KCNMA1: variants seen among roughly 807,000 people sequenced by gnomAD.
The protein encoded by KCNMA1 is Calcium-activated potassium channel subunit alpha-1.
Under a neutral mutation model 140.0 loss-of-function variants are expected in KCNMA1, and 29 were observed. The observed-to-expected ratio is 0.21, with a 90% CI of 0.15 to 0.28. The LOEUF (loss-of-function observed/expected upper bound fraction) is 0.28. Ranked by LOEUF, KCNMA1 falls within the 10% of genes least tolerant of loss-of-function variation. The pLI is 1.00. For missense variants in KCNMA1, 880 were observed against 1,602.2 expected (o/e 0.55, Z 7.70); for synonymous variants, 612 against 611.9 (o/e 1.00, Z 0.00).
chr10:77,356,442 T>C (rs2065215740), intron 2 of KCNMA1, among the ~76,000 whole-genome samples: 1 of 152,210 alleles, frequency 6.6e-6, no homozygotes, highest in African/African-American at 2.4e-5. Context: ...ACTTCTTAAC[T>C]CTACAGTTGG....
chr10:77,080,488 T>C (rs1210497773), intron 12 of KCNMA1, among the ~76,000 whole-genome samples: 1 of 152,188 alleles, frequency 6.6e-6, no homozygotes, highest in African/African-American at 2.4e-5. Context: ...GCCAGGGCTA[T>C]CCTGAGGGGT....
intron 1 of KCNMA1, among the ~76,000 whole-genome samples, chr10:77,442,015 G>C (rs1331792436): frequency 6.6e-6 from 1 of 152,156 alleles, no homozygotes; most frequent in Non-Finnish European, 1.5e-5. Flanking sequence ...TCTCAACTGC[G>C]CCAGCAAGGA....
intron 1 of KCNMA1, among the ~76,000 whole-genome samples, chr10:77,481,110 T>C: frequency 7.2e-6 from 1 of 138,532 alleles, no homozygotes. Flanking sequence ...AGAGTGAGAC[T>C]CCATCTCAAA....
At position 77,182,012 on chromosome 10, in the gene KCNMA1, T is replaced by A. The variant is rs374115794; in HGVS notation, c.808+1409A>T. Among the ~76,000 whole-genome samples, 33 of 152,322 alleles carry A rather than the reference T, an allele frequency of 2.2e-4. No individual in the cohort carries two copies. The East Asian group carries it at 5.8e-3, about 27-fold the overall frequency. ...AGATGCTTATTTTTTAAAAAAATAC[T>A]TGACACTAGGTATATAATAAATTCC... On this transcript the variant is annotated intron_variant, in intron 5 of 27. Transcript: ENST00000286628.
intron 4 of KCNMA1, among the ~76,000 whole-genome samples, chr10:77,184,497 C>T (rs559241313): frequency 2.9e-4 from 44 of 152,342 alleles, no homozygotes; most frequent in African/African-American, 5.8e-4. Flanking sequence ...GGATTACAGG[C>T]GTGAGCCACC....
intron 2 of KCNMA1, among the ~76,000 whole-genome samples, chr10:77,305,117 CT>C (rs1191346920): frequency 6.6e-6 from 1 of 152,160 alleles, no homozygotes; most frequent in Non-Finnish European, 1.5e-5. Context: ...GTCTGAAAAT[CT>C]TTTGAGCCAA....
At chr10:77,302,684 GTCTCTGT>G (rs2076809445) in intron 2 of KCNMA1, among the ~76,000 whole-genome samples, 1 of 152,204 alleles carries the variant, frequency 6.6e-6, no homozygotes, top group African/African-American at 2.4e-5. Context: ...AAGTCAGGTA[GTCTCTGT>G]GTCCCAGTGT....
At chr10:77,239,451 G>A (rs529116174) in intron 3 of KCNMA1, among the ~76,000 whole-genome samples, 3 of 152,292 alleles carry the variant, frequency 2.0e-5, no homozygotes, top group African/African-American at 4.8e-5. Flanking sequence ...GCATGGGTGT[G>A]ATGAGCAACA....
At chr10:77,035,048 G>A (rs1168074107) in intron 15 of KCNMA1, among the ~76,000 whole-genome samples, 2 of 151,944 alleles carry the variant, frequency 1.3e-5, no homozygotes, top group Non-Finnish European at 2.9e-5. Flanking sequence ...CCTCGCTTTC[G>A]CAAGTGCTCA....
At chr10:77,192,154 A>G (rs2098943878) in intron 3 of KCNMA1, among the ~76,000 whole-genome samples, 1 of 152,168 alleles carries the variant, frequency 6.6e-6, no homozygotes, top group African/African-American at 2.4e-5. Flanking sequence ...AATTATTCCT[A>G]AGAGTAAAAC....
rs1368680042 is a variant in KCNMA1 at position 77,572,370 on chromosome 10, T to C, written c.378+64895A>G. Among the ~76,000 whole-genome samples, 3 of 151,392 alleles carry C rather than the reference T, an allele frequency of 2.0e-5. No homozygotes were observed. In the East Asian group the frequency reaches 5.8e-4, roughly 29 times the overall value. ...CAAAAGCCCTCAAAAGTGCATTTTATAACCAGTAATGGCCAACCTTCTGAT... is the reference window on the plus strand; with the variant it reads ...CAAAAGCCCTCAAAAGTGCATTTTACAACCAGTAATGGCCAACCTTCTGAT... On this transcript the variant is annotated intron_variant, in intron 1 of 27. Coordinates refer to ENST00000286628, the MANE Select transcript of KCNMA1 (RefSeq NM_001161352.2).
chr10:77,595,123 A>T (rs971479838), intron 1 of KCNMA1, among the ~76,000 whole-genome samples: 29 of 152,196 alleles, frequency 1.9e-4, no homozygotes, highest in African/African-American at 5.8e-4. Context: ...AGGCGGGCAG[A>T]TCACGTGAGG....
At chr10:77,473,544 G>T (rs2098213882) in intron 1 of KCNMA1, among the ~76,000 whole-genome samples, 1 of 152,202 alleles carries the variant, frequency 6.6e-6, no homozygotes, top group African/African-American at 2.4e-5. Flanking sequence ...TTTCAGTAGA[G>T]CCTGACTTTC....
intron 25 of KCNMA1, among the ~76,000 whole-genome samples, chr10:76,898,780 AT>A (rs1257255227): frequency 6.6e-6 from 1 of 151,924 alleles, no homozygotes. Context: ...ATAGAGACAA[AT>A]TCAGAGCCTT....
rs2081387818 is a variant in KCNMA1, at chr10:76,986,828, GGAGAAA to G, written c.2266+14573_2266+14578del. On this transcript the variant is annotated intron_variant, in intron 19 of 27. Transcript: ENST00000286628. The stretch of plus-strand genomic sequence containing the variant: ...CTCAAATACCCAATGACATATGGAA[GGAGAAA>G]ACATCAGCACCCCCAGATCCACTAC... 2.6e-5 allele frequency among the ~76,000 whole-genome samples: 4 copies of G among 152,300 alleles called. No homozygotes were observed. The South Asian group carries it at 6.2e-4, about 24-fold the overall frequency.
chr10:77,475,295 C>T (rs1053326387), intron 1 of KCNMA1, among the ~76,000 whole-genome samples: 2 of 152,190 alleles, frequency 1.3e-5, no homozygotes, highest in Non-Finnish European at 2.9e-5. Flanking sequence ...GGGGCAACTC[C>T]CTGGGCAAGG....
At chr10:77,255,127 A>G (rs1022417988) in intron 2 of KCNMA1, among the ~76,000 whole-genome samples, 3 of 152,176 alleles carry the variant, frequency 2.0e-5, no homozygotes, top group Admixed American at 2.0e-4. Context: ...ATTTACTGAA[A>G]ACACCCATAT....
chr10:77,223,621 C>G (rs1472538433), intron 3 of KCNMA1, among the ~76,000 whole-genome samples: 2 of 152,142 alleles, frequency 1.3e-5, no homozygotes, highest in African/African-American at 4.8e-5. Context: ...TACTAGAACA[C>G]AAGTTCATTT....
chr10:76,935,322 C>A (rs1469282054), intron 23 of KCNMA1, among the ~76,000 whole-genome samples: 1 of 152,218 alleles, frequency 6.6e-6, no homozygotes, highest in South Asian at 2.1e-4. Flanking sequence ...CTGGGGGTGC[C>A]CCCATGACCC....
Sources: allele counts gnomAD v4.1 joint callset (sites outside exome capture counted in the v4.1 genomes callset), GRCh38; gene constraint gnomAD v4.1.1; transcripts MANE v1.5; gene names NCBI Gene and HGNC (gene_info 2026-07-23, HGNC 2026-07-21).